The following GLOD4 variants were observed in gnomAD, a reference collection of about 807,000 sequenced individuals.
GLOD4 encodes the protein glyoxalase domain containing 4, also known as glyoxalase domain-containing protein 4.
Under a neutral mutation model 39.1 loss-of-function variants are expected in GLOD4, and 44 were observed. That is an observed-to-expected ratio of 1.13 (90% CI 0.88 to 1.45). GLOD4 has a LOEUF of 1.45. Ranked by LOEUF, GLOD4 falls within the 40% of genes most tolerant of loss-of-function variation. The pLI, the probability that GLOD4 is intolerant of heterozygous loss-of-function variation, is 0.00. For missense variants in GLOD4, 405 were observed against 366.4 expected, an observed-to-expected ratio of 1.11 and a Z score of -0.86; for synonymous variants, 145 against 135.0, an observed-to-expected ratio of 1.07 and a Z score of -0.52.
chr17:783,938 T>C (rs1056889996), upstream of GLOD4, among the ~76,000 whole-genome samples: 1 of 152,198 alleles, frequency 6.6e-6, no homozygotes, highest in African/African-American at 2.4e-5. Flanking sequence ...ATTGAGCCCT[T>C]CATTTTTGCA....
chr17:766,846 G>A (rs1906659688), intron 8 of GLOD4, among the ~76,000 whole-genome samples: 1 of 152,146 alleles, frequency 6.6e-6, no homozygotes, highest in Admixed American at 6.5e-5. Flanking sequence ...TTGCAGTGAG[G>A]CAAGATTGCA....
chr17:765,509 T>C (rs1488240700), intron 8 of GLOD4, among the ~76,000 whole-genome samples: 1 of 149,518 alleles, frequency 6.7e-6, no homozygotes, highest in Non-Finnish European at 1.5e-5. Flanking sequence ...GGTGCCCGTG[T>C]CTGAGGAGAA....
rs61725536 is a variant in GLOD4, at chr17:768,698, AGAG to A, written c.831+1168_831+1170del. Reference sequence around the variant, plus strand: ...AGAAACAGCGCGCACTCAGATTTTTAGAGGAAGAAATCTGGAGAGGACGTGAGA... The same window carrying A: ...AGAAACAGCGCGCACTCAGATTTTTAGAAGAAATCTGGAGAGGACGTGAGA... On this transcript the variant is annotated intron_variant, in intron 8 of 8. Transcript: ENST00000301329. 7.3e-3 allele frequency among the ~76,000 whole-genome samples: 463 copies of A among 63,010 alleles called. 103 individuals carry two copies. The highest frequency in any genetic ancestry group is 0.033 in the East Asian group (43 of 1,286). 41.3% of individuals were successfully genotyped at this position (63,010 alleles called of 152,430 possible).
chr17:769,361 G>A (rs1907475117), intron 8 of GLOD4, among the ~76,000 whole-genome samples: 2 of 150,514 alleles, frequency 1.3e-5, no homozygotes, highest in Non-Finnish European at 1.5e-5. Context: ...AGAGCTGAGG[G>A]GAACGGATGG....
chr17:779,696 G>A (rs1424841860), intron 1 of GLOD4, among the ~76,000 whole-genome samples: 1 of 151,954 alleles, frequency 6.6e-6, no homozygotes, highest in African/African-American at 2.4e-5. Flanking sequence ...GTAACTCTGA[G>A]CAAATTAGAA....
At chr17:780,262 TCCCATCACCAC>T (rs1356579046) in intron 1 of GLOD4, among the ~76,000 whole-genome samples, 4 of 152,188 alleles carry the variant, frequency 2.6e-5, no homozygotes, top group Non-Finnish European at 5.9e-5. Context: ...AAAGCACTGA[TCCCATCACCAC>T]CCTGTTTAAG....
At chr17:780,917 C>CTTT (rs897931602) in intron 1 of GLOD4, among the ~76,000 whole-genome samples, 23 of 120,820 alleles carry the variant, frequency 1.9e-4, no homozygotes, top group African/African-American at 5.9e-4. Context: ...GGTGTTGAAT[C>CTTT]TTTTTTTTTT....
chr17:783,412 C>G, upstream of GLOD4: 1 of 1,336,406 alleles, frequency 7.5e-7, no homozygotes. Flanking sequence ...TCTCGGCCCA[C>G]TGCAACCTCC....
At chr17:773,634 T>C (rs535051375) in intron 4 of GLOD4, among the ~76,000 whole-genome samples, 1 of 152,312 alleles carries the variant, frequency 6.6e-6, no homozygotes, top group African/African-American at 2.4e-5. Context: ...GTAAAGTGAC[T>C]TTCTAAAGAG....
At chr17:766,153 C>A (rs1906504664) in intron 8 of GLOD4, among the ~76,000 whole-genome samples, 1 of 152,028 alleles carries the variant, frequency 6.6e-6, no homozygotes, top group Non-Finnish European at 1.5e-5. Context: ...CAAAAATTAG[C>A]CAGGCATGGT....
At chr17:782,779 C>A, upstream of GLOD4, 1 of 1,361,530 alleles carries the variant, frequency 7.3e-7, no homozygotes, top group Non-Finnish European at 9.9e-7. Context: ...TGGAGGACTT[C>A]TTCCAGTACA....
At chr17:774,848 C>A (rs1326569322) in intron 4 of GLOD4, among the ~76,000 whole-genome samples, 1 of 151,954 alleles carries the variant, frequency 6.6e-6, no homozygotes, top group Non-Finnish European at 1.5e-5. Flanking sequence ...GCAGGCGGAT[C>A]AAGTGAGGTC....
upstream of GLOD4, chr17:782,731 C>T (rs752895874): frequency 1.3e-5 from 21 of 1,555,640 alleles, no homozygotes; most frequent in Non-Finnish European, 1.7e-5. Context: ...TTCTCGTTTC[C>T]CTTCCCGTCG....
At chr17:769,989 G>A (rs780970288) in intron 7 of GLOD4, 34 bp from the exon 8 acceptor site, 5 of 1,565,978 alleles carry the variant, frequency 3.2e-6, no homozygotes, top group Non-Finnish European at 4.4e-6. Context: ...ACCTGCCAAA[G>A]ACATCCTTGA....
Position 780,046 on chromosome 17 carries a change from A to C in GLOD4, c.91-1302T>G, listed in dbSNP as rs2750011. Among the ~76,000 whole-genome samples, 324 of 152,008 alleles carry C rather than the reference A, an allele frequency of 2.1e-3. 2 individuals are homozygous for C. Among genetic ancestry groups the C allele is most frequent in the African/African-American group, 7.5e-3 (310 of 41,486 alleles). ...GGGCGTGGTGGCGGGCGCCTGTAGT[A>C]CCAGCTACTCGGGAGGCTGAGGCAG... On this transcript the variant is annotated intron_variant, in intron 1 of 8. Coordinates refer to ENST00000301329, the MANE Select transcript of GLOD4 (RefSeq NM_016080.4).
chr17:778,539 G>T, intron 2 of GLOD4, 156 bp downstream of exon 2: 2 of 672,536 alleles, frequency 3.0e-6, no homozygotes, highest in South Asian at 3.3e-5. Flanking sequence ...AGAGTGCAGA[G>T]AAACAGTATG....
At chr17:770,006 C>G in intron 7 of GLOD4, 38 bp downstream of exon 7, 1 of 1,554,954 alleles carries the variant, frequency 6.4e-7, no homozygotes, top group Non-Finnish European at 8.9e-7. Context: ...TTGAAGAAAC[C>G]CCTGGTCCAG....
At chr17:768,995 A>G (rs1907375277) in intron 8 of GLOD4, among the ~76,000 whole-genome samples, 2 of 152,268 alleles carry the variant, frequency 1.3e-5, no homozygotes, top group Admixed American at 6.5e-5. Flanking sequence ...AAATCTGGAG[A>G]GGAGATATGG....
In GLOD4 at chr17:776,930, A is replaced by G; in HGVS notation, c.199T>C (p.Phe67Leu). ...TAATTGTAAGTCAGTTCTGCGACAA[A>G]ATGATCATCCTCAGGCCCAAATCCC... Reference protein sequence around the residue: ...MVGFGPEDDHFVAELTYNYGV... With the variant: ...MVGFGPEDDHLVAELTYNYGV... Residue 67 changes from phenylalanine to leucine, a missense_variant, in exon 3 of 9, where the codon TTT (phenylalanine) becomes CTT (leucine). Phe to Leu is a conservative substitution (Grantham distance 22). Coordinates refer to ENST00000301329, the MANE Select transcript of GLOD4 (RefSeq NM_016080.4). 6.2e-7 allele frequency: 1 copy of G among 1,609,986 alleles called. No homozygotes were observed. The highest frequency in any genetic ancestry group is 8.5e-7 in the Non-Finnish European group (1 of 1,176,234).
Sources: gnomAD v4.1 joint callset for allele counts (sites outside exome capture counted in the v4.1 genomes callset) on GRCh38, gnomAD v4.1.1 for gene constraint, MANE v1.5 for transcripts, NCBI Gene and HGNC (gene_info 2026-07-23, HGNC 2026-07-21) for gene names.